The following TET1 variants were observed in gnomAD, a reference collection of about 807,000 sequenced individuals.
TET1 encodes methylcytosine dioxygenase TET1.
A neutral mutation model predicts 148.7 loss-of-function variants in TET1; 13 were observed. The ratio of observed to expected loss-of-function variants is 0.09; its 90% CI spans 0.06 to 0.14. The LOEUF (loss-of-function observed/expected upper bound fraction) is 0.14, where lower values mean the gene tolerates loss of function less well. TET1 is among the 10% of genes least tolerant of loss of function. The pLI is 1.00. For missense variants in TET1, 2,182 were observed against 2,553.8 expected, an observed-to-expected ratio of 0.85 and a Z score of 3.14; for synonymous variants, 907 against 937.2, an observed-to-expected ratio of 0.97 and a Z score of 0.59.
Position 68,615,356 on chromosome 10 carries a change from C to CTTTTTTTTTTTTTT in TET1, c.1968+14329_1968+14330insTTTTTTTTTTTTTT, listed in dbSNP as rs71019038. 1.8e-4 allele frequency among the ~76,000 whole-genome samples: 26 copies of CTTTTTTTTTTTTTT among 145,354 alleles called. 1 individual carries two copies. The highest frequency in any genetic ancestry group is 3.5e-4 in the Non-Finnish European group (23 of 66,290). The stretch of plus-strand genomic sequence containing the variant: ...TTCAGAATGGTGTTTCTTTTCTTTT[C>CTTTTTTTTTTTTTT]TTTTTTTGAGATGGAGACTCACTCT... On this transcript the variant is annotated intron_variant, in intron 3 of 11. Coordinates refer to ENST00000373644, the MANE Select transcript of TET1 (RefSeq NM_030625.3).
At position 68,645,378 on chromosome 10, in the gene TET1, T is replaced by G; in HGVS notation, c.2649T>G (p.Asp883Glu). 6.2e-7 allele frequency: 1 copy of G among 1,614,092 alleles called. No homozygotes were observed. The highest frequency in any genetic ancestry group is 1.1e-5 in the South Asian group (1 of 91,080). ...CAAGTCTCTTATCGTTAATGAAAGATAGGAGATTAACATTGGAGCAAGTGG... is the reference window on the plus strand; with the variant it reads ...CAAGTCTCTTATCGTTAATGAAAGAGAGGAGATTAACATTGGAGCAAGTGG... ...VQPSLLSLMK[D>E]RRLTLEQVVA... The change falls in exon 4 of 12, where the codon GAT becomes GAG. Residue 883 changes from aspartate (D) to glutamate (E), a missense_variant. Around this residue, in one of 11 missense-constraint regions of TET1, gnomAD observed 582 missense variants for 599.5 expected, o/e 0.97. Coordinates refer to ENST00000373644, the MANE Select transcript of TET1 (RefSeq NM_030625.3).
At chr10:68,566,458 G>A (rs1756555713) in intron 1 of TET1, among the ~76,000 whole-genome samples, 1 of 151,618 alleles carries the variant, frequency 6.6e-6, no homozygotes, top group Admixed American at 6.6e-5. Context: ...GTTTCTCACA[G>A]CCAAAGACTG....
intron 2 of TET1, among the ~76,000 whole-genome samples, chr10:68,588,229 C>T (rs1283473696): frequency 6.6e-6 from 1 of 152,076 alleles, no homozygotes; most frequent in African/African-American, 2.4e-5. Context: ...GCAATCTGCC[C>T]GCTGCAGACT....
At chr10:68,613,728 G>A (rs1236330401) in intron 3 of TET1, among the ~76,000 whole-genome samples, 2 of 152,160 alleles carry the variant, frequency 1.3e-5, no homozygotes, top group African/African-American at 4.8e-5. Context: ...CCTGAGGTCA[G>A]GAGTTCGAGA....
intron 3 of TET1, among the ~76,000 whole-genome samples, chr10:68,626,109 A>AAAAAAAAT (rs10660282): frequency 1.0e-4 from 1 of 9,536 alleles, no homozygotes; most frequent in South Asian, 2.5e-3. Context: ...AAAAAAAAAA[A>AAAAAAAAT]GAAAAGAAAA....
intron 2 of TET1, among the ~76,000 whole-genome samples, chr10:68,594,994 A>G (rs1024898811): frequency 1.3e-5 from 2 of 151,290 alleles, no homozygotes; most frequent in African/African-American, 2.4e-5. Context: ...AAAAAAAAAA[A>G]AAGAAGAAAA....
chr10:68,595,981 TATAC>T lies in TET1; in HGVS notation c.1915-4998_1915-4995del, dbSNP rs1554932824. ...ATATATACACACACACACACACATA[TATAC>T]ACACACACACACACACACACACACA... On this transcript the variant is annotated intron_variant, in intron 2 of 11. Coordinates refer to ENST00000373644, the MANE Select transcript of TET1 (RefSeq NM_030625.3). 6.5e-3 allele frequency among the ~76,000 whole-genome samples: 266 copies of T among 40,760 alleles called. 5 individuals are homozygous for T. Among genetic ancestry groups the T allele is most frequent in the Admixed American group, 0.028 (84 of 3,018 alleles). 26.7% of individuals were successfully genotyped at this position (40,760 alleles called of 152,430 possible). A position where few individuals can be genotyped will look rare whatever the true frequency, so the allele number is the denominator to read the frequency against.
intron 2 of TET1, among the ~76,000 whole-genome samples, chr10:68,597,691 A>G (rs1589062841): frequency 6.6e-6 from 1 of 152,238 alleles, no homozygotes; most frequent in Non-Finnish European, 1.5e-5. Flanking sequence ...ACCAAAAAGT[A>G]CAAATGTCTA....
At chr10:68,580,022 G>C (rs950074998) in intron 2 of TET1, among the ~76,000 whole-genome samples, 6 of 151,338 alleles carry the variant, frequency 4.0e-5, no homozygotes, top group Admixed American at 3.3e-4. Flanking sequence ...TCTGCCTCCC[G>C]GATTCAAGTC....
intron 2 of TET1, among the ~76,000 whole-genome samples, chr10:68,579,890 C>T (rs552100571): frequency 6.6e-6 from 1 of 152,090 alleles, no homozygotes; most frequent in South Asian, 2.1e-4. Context: ...CTTCCTTTCT[C>T]TCTCTTCTTT....
intron 4 of TET1, among the ~76,000 whole-genome samples, chr10:68,649,376 G>C (rs528806493): frequency 6.6e-6 from 1 of 152,298 alleles, no homozygotes; most frequent in African/African-American, 2.4e-5. Context: ...GGGAGGCCGA[G>C]GCGGGCAGAT....
chr10:68,607,851 T>C (rs2054147747), intron 3 of TET1, among the ~76,000 whole-genome samples: 1 of 149,172 alleles, frequency 6.7e-6, no homozygotes, highest in South Asian at 2.1e-4. Context: ...TATAAATATA[T>C]ATTTCATTTT....
rs115833600 is a variant in TET1, at chr10:68,681,335, A to G, written c.4825-64A>G. On this transcript the variant is annotated intron_variant, in intron 8 of 11. Transcript: ENST00000373644. The stretch of plus-strand genomic sequence containing the variant: ...CACCATCAGCCATGATTTATGATTC[A>G]GTTGTACCTTAAACACATGAAGGTG... The G allele has an allele frequency of 1.2e-3, 1,239 of 996,386 alleles. 5 individuals carry two copies. The African/African-American group carries it at 0.017, about 14-fold the overall frequency. The allele number at this position is 996,386 out of a possible 1,614,324, so 61.7% of individuals were successfully genotyped here.
At chr10:68,605,861 C>A (rs1048302585) in intron 3 of TET1, among the ~76,000 whole-genome samples, 1 of 152,104 alleles carries the variant, frequency 6.6e-6, no homozygotes, top group African/African-American at 2.4e-5. Flanking sequence ...TTTAAAAGGA[C>A]TAAATTATAC....
chr10:68,568,818 TC>T (rs1304757282), intron 1 of TET1, among the ~76,000 whole-genome samples: 1 of 151,858 alleles, frequency 6.6e-6, no homozygotes, highest in Non-Finnish European at 1.5e-5. Context: ...ACTACTGCAC[TC>T]CAGTCCAGGT....
Position 68,593,770 on chromosome 10 carries a change from G to A in TET1, c.1915-7211G>A, listed in dbSNP as rs377304657. Among the ~76,000 whole-genome samples, 4 of 151,972 alleles carry A rather than the reference G, an allele frequency of 2.6e-5. No individual in the cohort carries two copies. The East Asian group carries it at 5.8e-4, about 22-fold the overall frequency. On this transcript the variant is annotated intron_variant, in intron 2 of 11. Transcript: ENST00000373644. Reference sequence around the variant, plus strand: ...TGGGATTACAGGCACCCGCCACCACGCCCAGCTAATTTTTTGTATTTTTAG... The same window carrying A: ...TGGGATTACAGGCACCCGCCACCACACCCAGCTAATTTTTTGTATTTTTAG...
intron 8 of TET1, among the ~76,000 whole-genome samples, chr10:68,677,397 A>AAAC (rs986236424): frequency 6.6e-6 from 1 of 152,198 alleles, no homozygotes; most frequent in Admixed American, 6.5e-5. Context: ...TAATGTAAAG[A>AAAC]AACAACAACA....
At chr10:68,575,168 G>C (rs1163376960) in intron 2 of TET1, among the ~76,000 whole-genome samples, 1 of 152,168 alleles carries the variant, frequency 6.6e-6, no homozygotes, top group South Asian at 2.1e-4. Context: ...CAGATCACCT[G>C]AGGTCAGGAG....
chr10:68,572,079 C>T, intron 1 of TET1, 138 bp from the exon 2 acceptor site: 1 of 388,276 alleles, frequency 2.6e-6, no homozygotes, highest in Non-Finnish European at 4.6e-6. Flanking sequence ...GATCATGCCT[C>T]TGCACTCCAG....
Sources: allele counts gnomAD v4.1 joint callset (sites outside exome capture counted in the v4.1 genomes callset), GRCh38; gene constraint gnomAD v4.1.1; regional missense constraint gnomAD v4.1.1; transcripts MANE v1.5; gene names NCBI Gene and HGNC (gene_info 2026-07-23, HGNC 2026-07-21).